Variants in METAP1 observed in about 807,000 individuals in gnomAD.
METAP1 encodes the protein methionine aminopeptidase 1.
A neutral mutation model predicts 53.8 loss-of-function variants in METAP1; 28 were observed. That is an observed-to-expected ratio of 0.52 (90% CI 0.39 to 0.71). The LOEUF is 0.71. Ranked by LOEUF, METAP1 falls within the 30% of genes least tolerant of loss-of-function variation. The pLI is 0.00. For missense variants in METAP1, 389 were observed against 479.8 expected (o/e 0.81, Z 1.77); for synonymous variants, 181 against 165.7 (o/e 1.09, Z -0.71).
At chr4:99,013,549 A>G (rs1315251199) in intron 1 of METAP1, among the ~76,000 whole-genome samples, 1 of 152,240 alleles carries the variant, frequency 6.6e-6, no homozygotes, top group Non-Finnish European at 1.5e-5. Context: ...ACGAGAGCAC[A>G]CCAAACAAAG....
At chr4:99,058,659 T>A (rs1050485463) in intron 10 of METAP1, among the ~76,000 whole-genome samples, 1 of 152,188 alleles carries the variant, frequency 6.6e-6, no homozygotes, top group African/African-American at 2.4e-5. Flanking sequence ...ATCCTTCCAG[T>A]CTTTTTATAA....
chr4:99,048,709 A>G (rs1317071458), intron 8 of METAP1, 24 bp from the exon 9 acceptor site: 1 of 1,610,406 alleles, frequency 6.2e-7, no homozygotes, highest in Non-Finnish European at 8.5e-7. Context: ...TTAGTTTATC[A>G]TGAATTTTCT....
At chr4:99,028,281 G>T (rs1259691972) in intron 1 of METAP1, among the ~76,000 whole-genome samples, 1 of 152,012 alleles carries the variant, frequency 6.6e-6, no homozygotes, top group Non-Finnish European at 1.5e-5. Context: ...TTTCCTAAAT[G>T]AAAAGTCTTT....
At chr4:99,013,586 A>G (rs115823485) in intron 1 of METAP1, among the ~76,000 whole-genome samples, 111 of 152,312 alleles carry the variant, frequency 7.3e-4, no homozygotes, top group Non-Finnish European at 1.3e-3. Flanking sequence ...TAACCTTTAC[A>G]TCCTGATGCA....
chr4:99,057,935 C>T (rs528475347), intron 10 of METAP1, 117 bp downstream of exon 10: 26 of 811,176 alleles, frequency 3.2e-5, no homozygotes, highest in African/African-American at 6.9e-5. Context: ...CACTCCCTGT[C>T]CCACCTCAAA....
intron 1 of METAP1, chr4:99,022,484 T>C: frequency 3.2e-6 from 2 of 622,770 alleles, no homozygotes; most frequent in Non-Finnish European, 5.8e-6. Flanking sequence ...TCCTGCTCAG[T>C]AGGACGTTGG....
At chr4:98,995,984 G>C in intron 1 of METAP1, 117 bp downstream of exon 1, 1 of 822,992 alleles carries the variant, frequency 1.2e-6, no homozygotes, top group East Asian at 3.1e-5. Context: ...CTTCCCCCCG[G>C]CCGCGTTTCC....
At position 99,039,452 on chromosome 4, in the gene METAP1, G is replaced by T. The variant is rs547674574; in HGVS notation, c.419G>T (p.Arg140Leu). 1.2e-6 allele frequency: 2 copies of T among 1,600,924 alleles called. No individual in the cohort carries two copies. Among genetic ancestry groups the T allele is most frequent in the African/African-American group, 2.7e-5 (2 of 74,576 alleles). The stretch of plus-strand genomic sequence containing the variant: ...TCATCTGAAGATATAGAAGGGATGC[G>T]ACTTGTATGTAGGGTAAGAGTGATT... ...LLSSEDIEGM[R>L]LVCRLAREVL... The change falls in exon 5 of 11, where the codon CGA becomes CTA. Residue 140 changes from arginine (R) to leucine (L), a missense_variant. Arg to Leu is a moderately radical substitution (Grantham distance 102, BLOSUM62 -2). Coordinates refer to ENST00000296411, the MANE Select transcript of METAP1 (RefSeq NM_015143.3).
chr4:99,006,272 T>C (rs1723175162), intron 1 of METAP1, among the ~76,000 whole-genome samples: 1 of 152,170 alleles, frequency 6.6e-6, no homozygotes, highest in African/African-American at 2.4e-5. Flanking sequence ...GAAGTGCTAG[T>C]GAATGTTATA....
At chr4:99,015,005 G>T (rs1412283518) in intron 1 of METAP1, among the ~76,000 whole-genome samples, 1 of 152,184 alleles carries the variant, frequency 6.6e-6, no homozygotes, top group African/African-American at 2.4e-5. Flanking sequence ...AGAGAGCTTG[G>T]CAAGATTCAT....
chr4:99,049,629 T>C (rs919896404), intron 9 of METAP1, among the ~76,000 whole-genome samples: 2 of 152,178 alleles, frequency 1.3e-5, no homozygotes, highest in African/African-American at 4.8e-5. Context: ...GAATCTGTTA[T>C]TTAATGTCAG....
intron 5 of METAP1, 56 bp from the exon 6 acceptor site, chr4:99,040,987 G>C: frequency 8.3e-7 from 1 of 1,204,812 alleles, no homozygotes; most frequent in East Asian, 2.4e-5. Flanking sequence ...AGTAGAAAGG[G>C]TATAGATTTC....
intron 1 of METAP1, chr4:99,005,658 AG>A (rs1723142363): frequency 3.6e-6 from 1 of 276,178 alleles, no homozygotes; most frequent in African/African-American, 2.3e-5. Flanking sequence ...TTGCAAAGAT[AG>A]GGAACCAACC....
chr4:99,018,380 A>G (rs1723901236), intron 1 of METAP1, among the ~76,000 whole-genome samples: 2 of 152,230 alleles, frequency 1.3e-5, no homozygotes, highest in South Asian at 2.1e-4. Flanking sequence ...TGTCATCCAT[A>G]TATAGGATTA....
chr4:99,014,175 A>C (rs1560698763), intron 1 of METAP1, among the ~76,000 whole-genome samples: 1 of 152,210 alleles, frequency 6.6e-6, no homozygotes, highest in Non-Finnish European at 1.5e-5. Context: ...ATATCTTTCC[A>C]ATTTCCAAAT....
chr4:99,022,910 C>A, intron 1 of METAP1: 1 of 1,500,664 alleles, frequency 6.7e-7, no homozygotes, highest in Non-Finnish European at 9.0e-7. Context: ...CCTGAAAGAA[C>A]GCATCTGACC....
intron 10 of METAP1, 32 bp from the exon 11 acceptor site, chr4:99,061,122 G>A: frequency 6.3e-7 from 1 of 1,594,762 alleles, no homozygotes; most frequent in Non-Finnish European, 8.6e-7. Flanking sequence ...AGAAAACTGA[G>A]TGAACTAAGA....
chr4:99,018,100 A>G (rs1277363269), intron 1 of METAP1, among the ~76,000 whole-genome samples: 4 of 152,274 alleles, frequency 2.6e-5, no homozygotes, highest in African/African-American at 7.2e-5. Flanking sequence ...TTCTTAATGC[A>G]TAAGAATCAA....
Position 99,048,719 on chromosome 4 carries a change from T to A in METAP1, c.788-14T>A. The A allele has an allele frequency of 6.2e-7, 1 of 1,612,486 alleles. No homozygotes were observed. Among genetic ancestry groups the A allele is most frequent in the Non-Finnish European group, 8.5e-7 (1 of 1,179,046 alleles). On this transcript the variant is annotated splice_polypyrimidine_tract_variant and intron_variant, in intron 8 of 10. Transcript: ENST00000296411. ...AGTTATTAGTTTATCATGAATTTTC[T>A]TTTTTCCTTTCAGTGAAGCCTGGTG...
Sources: allele counts gnomAD v4.1 joint callset (sites outside exome capture counted in the v4.1 genomes callset), GRCh38; gene constraint gnomAD v4.1.1; transcripts MANE v1.5; gene names NCBI Gene and HGNC (gene_info 2026-07-23, HGNC 2026-07-21).